The following MAP3K20 variants were observed in gnomAD, a reference collection of about 807,000 sequenced individuals.
MAP3K20 encodes mitogen-activated protein kinase kinase kinase 20.
A neutral mutation model predicts 85.7 loss-of-function variants in MAP3K20; 40 were observed. That is an observed-to-expected ratio of 0.47 (90% confidence interval 0.36 to 0.61). The LOEUF is 0.61. MAP3K20 is among the 20% of genes least tolerant of loss of function. The pLI is 0.00. For synonymous variants in MAP3K20, 325 were observed against 327.7 expected (o/e 0.99, Z 0.09); for missense variants, 817 against 961.7 (o/e 0.85, Z 1.99).
At chr2:173,122,270 G>C (rs1688317162) in intron 2 of MAP3K20, among the ~76,000 whole-genome samples, 1 of 152,252 alleles carries the variant, frequency 6.6e-6, no homozygotes, top group Non-Finnish European at 1.5e-5. Context: ...CCTAACTGGG[G>C]ATGTAAGCTG....
At chr2:173,230,638 A>G (rs1418338093) in intron 12 of MAP3K20, among the ~76,000 whole-genome samples, 1 of 152,210 alleles carries the variant, frequency 6.6e-6, no homozygotes, top group Non-Finnish European at 1.5e-5. Context: ...AAACAATCCA[A>G]CTTAGTCTGT....
At chr2:173,217,370 G>A (rs748105124) in intron 11 of MAP3K20, 120 bp downstream of exon 11, 2 of 1,260,968 alleles carry the variant, frequency 1.6e-6, no homozygotes, top group Non-Finnish European at 1.0e-6. Context: ...CCTGCCTCGC[G>A]CCCGTGTATT....
At chr2:173,243,855 T>C (rs1346908183) in intron 16 of MAP3K20, among the ~76,000 whole-genome samples, 2 of 152,284 alleles carry the variant, frequency 1.3e-5, no homozygotes, top group East Asian at 3.9e-4. Flanking sequence ...CTCGATCTCC[T>C]GATCTCGTGA....
chr2:173,129,287 GT>G (rs1486985771), intron 2 of MAP3K20, among the ~76,000 whole-genome samples: 1 of 152,070 alleles, frequency 6.6e-6, no homozygotes, highest in Non-Finnish European at 1.5e-5. Context: ...CTTACTAACA[GT>G]TTTTTGGAGT....
chr2:173,263,697 GTTTCTATTTGTCT>G (rs1685347552), intron 18 of MAP3K20, 35 bp from the exon 19 acceptor site: 1 of 1,565,474 alleles, frequency 6.4e-7, no homozygotes, highest in South Asian at 1.2e-5. Flanking sequence ...TTGGTCATAT[GTTTCTATTTGTCT>G]TTTTTTTGTC....
chr2:173,186,363 G>A (rs965978868), intron 4 of MAP3K20, among the ~76,000 whole-genome samples: 2 of 152,028 alleles, frequency 1.3e-5, no homozygotes, highest in African/African-American at 4.8e-5. Context: ...GCAGTTTGAG[G>A]GATGTAGAAC....
At chr2:173,244,428 A>T (rs917501130) in intron 16 of MAP3K20, among the ~76,000 whole-genome samples, 4 of 152,222 alleles carry the variant, frequency 2.6e-5, no homozygotes, top group African/African-American at 9.6e-5. Context: ...GGTATTCAAT[A>T]AATGTCATCT....
At chr2:173,203,468 A>G (rs1683561587) in intron 8 of MAP3K20, among the ~76,000 whole-genome samples, 1 of 152,186 alleles carries the variant, frequency 6.6e-6, no homozygotes. Flanking sequence ...ACATACAGTG[A>G]CATATGGTTT....
chr2:173,101,026 T>C (rs1687623520), intron 2 of MAP3K20, among the ~76,000 whole-genome samples: 1 of 152,158 alleles, frequency 6.6e-6, no homozygotes, highest in Admixed American at 6.5e-5. Flanking sequence ...CAAATAAATG[T>C]ATTAAAATGA....
At chr2:173,117,771 A>G (rs1209769113) in intron 2 of MAP3K20, among the ~76,000 whole-genome samples, 2 of 152,208 alleles carry the variant, frequency 1.3e-5, no homozygotes, top group East Asian at 3.8e-4. Flanking sequence ...ATTTTTGTTA[A>G]TCACTTCTGG....
At chr2:173,249,635 AAAGCAGTGCTTAGGCAAGCG>A (rs1204395234) in intron 16 of MAP3K20, among the ~76,000 whole-genome samples, 1 of 152,234 alleles carries the variant, frequency 6.6e-6, no homozygotes, top group Admixed American at 6.5e-5. Context: ...TAAAAATGTT[AAAGCAGTGCTTAGGCAAGCG>A]AGATCAACTT....
chr2:173,173,225 A>G (rs1690059549), intron 3 of MAP3K20, among the ~76,000 whole-genome samples: 1 of 148,242 alleles, frequency 6.7e-6, no homozygotes, highest in African/African-American at 2.5e-5. Context: ...ATGTGAGGGC[A>G]GGGGGAGCTC....
Position 173,191,743 on chromosome 2 carries a change from G to A in MAP3K20, c.582+566G>A, listed in dbSNP as rs548147225. The stretch of plus-strand genomic sequence containing the variant: ...TAGAGTAGCAGTGACTATCTGAAGC[G>A]TGACTCTAAGGCATTACATAAGAAT... On this transcript the variant is annotated intron_variant, in intron 7 of 19. Transcript: ENST00000375213. Among the ~76,000 whole-genome samples the A allele has an allele frequency of 5.3e-5, 8 of 152,274 alleles. No individual in the cohort carries two copies. In the East Asian group the frequency reaches 7.7e-4, roughly 15 times the overall value.
chr2:173,214,261 T>G (rs1185613825), intron 10 of MAP3K20: 3 of 152,224 alleles, frequency 2.0e-5, no homozygotes, highest in Non-Finnish European at 4.4e-5. Context: ...TCAGCTTATT[T>G]CTCCTCCCAT....
At chr2:173,226,242 C>T (rs1684384647) in intron 11 of MAP3K20, 5 of 985,338 alleles carry the variant, frequency 5.1e-6, no homozygotes, top group East Asian at 1.1e-4. Context: ...AATTACTGTG[C>T]GTACAACTTT....
chr2:173,161,435 G>A (rs1689655277), intron 2 of MAP3K20, among the ~76,000 whole-genome samples: 1 of 152,158 alleles, frequency 6.6e-6, no homozygotes, highest in Non-Finnish European at 1.5e-5. Context: ...TCACTGTACG[G>A]TTCAGGGTTA....
intron 1 of MAP3K20, among the ~76,000 whole-genome samples, chr2:173,087,955 A>G (rs1687187288): frequency 6.6e-6 from 1 of 152,224 alleles, no homozygotes; most frequent in Non-Finnish European, 1.5e-5. Flanking sequence ...TTAGGATGGT[A>G]GCCAACAGGA....
At chr2:173,127,235 T>G (rs1357152016) in intron 2 of MAP3K20, among the ~76,000 whole-genome samples, 1 of 152,230 alleles carries the variant, frequency 6.6e-6, no homozygotes, top group East Asian at 1.9e-4. Context: ...TTGGTTCCCA[T>G]TGGCCCACTC....
chr2:173,235,387 T>C (rs144063574), intron 14 of MAP3K20, among the ~76,000 whole-genome samples: 66 of 152,348 alleles, frequency 4.3e-4, no homozygotes, highest in African/African-American at 1.6e-3. Flanking sequence ...ATCCCCCACC[T>C]GGGACCCCCT....
Sources: gnomAD v4.1 joint callset for allele counts (sites outside exome capture counted in the v4.1 genomes callset) on GRCh38, gnomAD v4.1.1 for gene constraint, MANE v1.5 for transcripts, NCBI Gene and HGNC (gene_info 2026-07-23, HGNC 2026-07-21) for gene names.